Variants in MID1 observed in about 807,000 individuals in gnomAD.
MID1 encodes the protein E3 ubiquitin-protein ligase Midline-1.
Under a neutral mutation model 40.4 loss-of-function variants are expected in MID1, and 7 were observed. The ratio of observed to expected loss-of-function variants is 0.17; its 90% CI spans 0.10 to 0.33. MID1 has a LOEUF of 0.33. Ranked by LOEUF, MID1 falls within the 10% of genes least tolerant of loss-of-function variation. The pLI, the probability that MID1 is intolerant of heterozygous loss-of-function variation, is 1.00. For missense variants in MID1, 367 were observed against 558.5 expected, an observed-to-expected ratio of 0.66 and a Z score of 3.46; for synonymous variants, 229 against 221.2, an observed-to-expected ratio of 1.04 and a Z score of -0.31.
intron 1 of MID1, among the ~76,000 whole-genome samples, chrX:10,688,081 A>G (rs1227891820): frequency 9.0e-6 from 1 of 111,137 alleles, no homozygotes; most frequent in Non-Finnish European, 1.9e-5. Flanking sequence ...ACTGGTCTCA[A>G]ACTTTTGGCC....
intron 4 of MID1, among the ~76,000 whole-genome samples, chrX:10,483,123 A>G (rs935819683): frequency 3.6e-5 from 4 of 112,363 alleles, no homozygotes; most frequent in Middle Eastern, 4.3e-3. Context: ...GGAAAGCATT[A>G]AGTGTTACTA....
chrX:10,679,285 A>T (rs1481263756), intron 1 of MID1, among the ~76,000 whole-genome samples: 1 of 112,062 alleles, frequency 8.9e-6, no homozygotes, highest in Non-Finnish European at 1.9e-5. Flanking sequence ...GGGAGGATGA[A>T]GTCTATATAT....
At chrX:10,716,314 G>A (rs2043302799) in intron 1 of MID1, among the ~76,000 whole-genome samples, 1 of 111,485 alleles carries the variant, frequency 9.0e-6, no homozygotes, top group Non-Finnish European at 1.9e-5. Flanking sequence ...TAGACGAATG[G>A]CTGACTAGAA....
At chrX:10,606,704 G>C (rs1935631214) in intron 1 of MID1, among the ~76,000 whole-genome samples, 1 of 111,479 alleles carries the variant, frequency 9.0e-6, no homozygotes, top group African/African-American at 3.3e-5. Context: ...CATGAAGTTT[G>C]CTTTTCAATT....
chrX:10,524,499 T>C (rs1014963102), intron 2 of MID1, among the ~76,000 whole-genome samples: 1 of 112,694 alleles, frequency 8.9e-6, no homozygotes, highest in Non-Finnish European at 1.9e-5. Flanking sequence ...CAGGTGGCCT[T>C]GCAGGCCACG....
At chrX:10,471,376 G>A (rs758883578) in intron 6 of MID1, among the ~76,000 whole-genome samples, 1 of 112,428 alleles carries the variant, frequency 8.9e-6, no homozygotes, top group African/African-American at 3.2e-5. Flanking sequence ...ACAGAAGCAA[G>A]TCTACGGTAT....
Position 10,455,021 on chromosome X carries a change from C to T in MID1, c.1504G>A (p.Asp502Asn). ...TCATCACGTTCTACTGTCAAGTTATCATGGGACACCTTCAGTTTTCGATGA... is the reference window on the plus strand; with the variant it reads ...TCATCACGTTCTACTGTCAAGTTATTATGGGACACCTTCAGTTTTCGATGA... ...SAHRKLKVSHDNLTVERDESS... is the reference protein window; with the variant it reads ...SAHRKLKVSHNNLTVERDESS... The change falls in exon 9 of 10, where the codon GAT becomes AAT. Residue 502 changes from aspartate (D) to asparagine (N), a missense_variant. Physicochemically the swap from Asp to Asn is conservative, Grantham distance 23 (BLOSUM62 1). This residue lies in a region of MID1 where 275 missense variants were observed against 383.1 expected (regional missense o/e 0.72). Transcript: ENST00000317552. 1 of 1,211,433 alleles carries T rather than the reference C, an allele frequency of 8.3e-7. No homozygotes were observed. Among genetic ancestry groups the T allele is most frequent in the Non-Finnish European group, 1.1e-6 (1 of 895,131 alleles).
chrX:10,584,599 G>C (rs1449463266), intron 1 of MID1, among the ~76,000 whole-genome samples: 1 of 112,577 alleles, frequency 8.9e-6, no homozygotes, highest in Non-Finnish European at 1.9e-5. Context: ...GTTAAGACTA[G>C]ATCCCACTGG....
At chrX:10,734,586 T>C (rs1245094213) in intron 1 of MID1, among the ~76,000 whole-genome samples, 3 of 107,801 alleles carry the variant, frequency 2.8e-5, no homozygotes, top group African/African-American at 1.0e-4. Flanking sequence ...AAACCAGTTG[T>C]GGTAGTTTCA....
intron 4 of MID1, among the ~76,000 whole-genome samples, chrX:10,490,098 T>A (rs1243079274): frequency 5.4e-5 from 6 of 112,084 alleles, no homozygotes; most frequent in Non-Finnish European, 1.1e-4. Flanking sequence ...GGAATTTTCA[T>A]TGAGATTATG....
intron 7 of MID1, among the ~76,000 whole-genome samples, chrX:10,465,808 G>A (rs1929354079): frequency 8.9e-6 from 1 of 111,786 alleles, no homozygotes; most frequent in Non-Finnish European, 1.9e-5. Flanking sequence ...ATTTCAGACT[G>A]TGACACCCTA....
At chrX:10,540,087 G>GCCT (rs1933410671) in intron 2 of MID1, among the ~76,000 whole-genome samples, 1 of 112,268 alleles carries the variant, frequency 8.9e-6, no homozygotes, top group Non-Finnish European at 1.9e-5. Context: ...TGTGATCCCA[G>GCCT]CTACTCAGGA....
chrX:10,669,789 C>T (rs1320432832), intron 1 of MID1, among the ~76,000 whole-genome samples: 1 of 111,789 alleles, frequency 8.9e-6, no homozygotes, highest in Non-Finnish European at 1.9e-5. Flanking sequence ...CTTTGAAATC[C>T]CCTCTCTATC....
chrX:10,639,745 A>G (rs1463150845), intron 1 of MID1, among the ~76,000 whole-genome samples: 4 of 111,775 alleles, frequency 3.6e-5, no homozygotes, highest in African/African-American at 9.8e-5. Context: ...AAGGAAAAAA[A>G]TGTTAAGGGC....
chrX:10,729,956 C>T (rs763264916), intron 1 of MID1, among the ~76,000 whole-genome samples: 1 of 109,282 alleles, frequency 9.2e-6, no homozygotes, highest in East Asian at 2.9e-4. Flanking sequence ...TGGTGGCGGG[C>T]ACCTGTAGTC....
upstream of MID1, among the ~76,000 whole-genome samples, chrX:10,621,887 G>A (rs1041674136): frequency 1.9e-5 from 2 of 104,923 alleles, no homozygotes; most frequent in Admixed American, 1.1e-4. Flanking sequence ...ATTCTTTGTC[G>A]TGAGGGCTGT....
intron 1 of MID1, among the ~76,000 whole-genome samples, chrX:10,784,978 C>A (rs1221832097): frequency 1.8e-5 from 2 of 110,732 alleles, no homozygotes; most frequent in Non-Finnish European, 3.8e-5. Flanking sequence ...CTGGCCAGGG[C>A]AGTCAGGCAG....
At chrX:10,581,142 G>A (rs1017525166) in intron 1 of MID1, among the ~76,000 whole-genome samples, 18 of 110,366 alleles carry the variant, frequency 1.6e-4, no homozygotes, top group Non-Finnish European at 2.5e-4. Flanking sequence ...CCAGCTACTC[G>A]GGAGGCTGAG....
chrX:10,495,523 T>C (rs1931198586), intron 4 of MID1, 61 bp downstream of exon 4: 1 of 838,372 alleles, frequency 1.2e-6, no homozygotes, highest in African/African-American at 2.0e-5. Flanking sequence ...GTCCCTGGAG[T>C]GTATTAGGAT....
Sources: gnomAD v4.1 joint callset for allele counts (sites outside exome capture counted in the v4.1 genomes callset) on GRCh38, gnomAD v4.1.1 for gene constraint, gnomAD v4.1.1 regional missense constraint, MANE v1.5 for transcripts, NCBI Gene and HGNC (gene_info 2026-07-23, HGNC 2026-07-21) for gene names.